The following ABTB2 variants were observed in gnomAD, a reference collection of about 807,000 sequenced individuals.
ABTB2 encodes the protein ankyrin repeat and BTB domain containing 2, also known as ankyrin repeat and BTB/POZ domain-containing protein 2.
ABTB2 carries 56 observed loss-of-function variants against 104.1 expected under a neutral mutation model. The ratio of observed to expected loss-of-function variants is 0.54; its 90% CI spans 0.43 to 0.67. ABTB2 has a LOEUF of 0.67. Ranked by LOEUF, ABTB2 falls within the 30% of genes least tolerant of loss-of-function variation. ABTB2 has a pLI of 0.00. For missense variants in ABTB2, 1,279 were observed against 1,407.7 expected, an observed-to-expected ratio of 0.91 and a Z score of 1.46; for synonymous variants, 606 against 608.2, an observed-to-expected ratio of 1.00 and a Z score of 0.05.
intron 2 of ABTB2, among the ~76,000 whole-genome samples, chr11:34,199,669 C>A (rs944090173): frequency 2.0e-5 from 3 of 152,136 alleles, no homozygotes; most frequent in African/African-American, 7.2e-5. Flanking sequence ...TCAGCTTAAG[C>A]CCCACCCCTG....
In ABTB2 at chr11:34,162,729, C is replaced by G; in HGVS notation, c.2065G>C (p.Glu689Gln). ...GACGCATCACTTTCCTCCACACCCT[C>G]GGCCAGGATCTCCTCCAGGGACAGC... is the stretch of plus-strand genomic sequence containing the variant. ...DVLSLEEILA[E>Q]GVEESDASSQ... is the part of the protein sequence containing the mutation. Residue 689 changes from glutamate (E) to glutamine (Q), a missense_variant, in exon 10 of 17, where the codon GAG becomes CAG. Transcript: ENST00000435224. 2 of 1,611,682 alleles carry G rather than the reference C, an allele frequency of 1.2e-6. No homozygotes were observed. Among genetic ancestry groups the G allele is most frequent in the Non-Finnish European group, 1.7e-6 (2 of 1,180,022 alleles).
intron 1 of ABTB2, among the ~76,000 whole-genome samples, chr11:34,274,593 A>G (rs1464821378): frequency 2.0e-5 from 3 of 151,160 alleles, no homozygotes; most frequent in Admixed American, 6.6e-5. Flanking sequence ...GTGTGTGTGT[A>G]TGTATATATT....
chr11:34,257,075 G>A (rs1484012787), intron 1 of ABTB2, among the ~76,000 whole-genome samples: 1 of 152,218 alleles, frequency 6.6e-6, no homozygotes, highest in Non-Finnish European at 1.5e-5. Context: ...AATATACAGT[G>A]CAACTTCATT....
In ABTB2 at chr11:34,152,246, C is replaced by G. The variant is rs911531980; in HGVS notation, c.*141G>C. On this transcript the variant is annotated 3_prime_UTR_variant, in exon 17 of 17. Transcript: ENST00000435224. Reference sequence around the variant, plus strand: ...GGCAGAGGAGATGAGGGTGAGCTGCCCGGTGACAGGGGGGACATCTGGGGG... The same window carrying G: ...GGCAGAGGAGATGAGGGTGAGCTGCGCGGTGACAGGGGGGACATCTGGGGG... 1.1e-6 allele frequency: 1 copy of G among 920,760 alleles called. No homozygotes were observed. The highest frequency in any genetic ancestry group is 1.7e-5 in the African/African-American group (1 of 59,854). The allele number at this position is 920,760 out of a possible 1,614,324, so 57.0% of individuals were successfully genotyped here.
intron 1 of ABTB2, among the ~76,000 whole-genome samples, chr11:34,235,936 T>C (rs371500812): frequency 4.2e-4 from 64 of 152,302 alleles, no homozygotes; most frequent in African/African-American, 1.5e-3. Flanking sequence ...GAGACAGCTG[T>C]GTGGTCTGGG....
intron 1 of ABTB2, among the ~76,000 whole-genome samples, chr11:34,296,841 G>A (rs941834330): frequency 2.0e-5 from 3 of 152,166 alleles, no homozygotes; most frequent in Admixed American, 6.5e-5. Context: ...GAAATAAATC[G>A]CCACAGTTGG....
intron 1 of ABTB2, among the ~76,000 whole-genome samples, chr11:34,305,664 G>C (rs1854763420): frequency 6.6e-6 from 1 of 152,202 alleles, no homozygotes; most frequent in African/African-American, 2.4e-5. Flanking sequence ...GAGAGGACAA[G>C]GGAGTAGAAT....
At position 34,298,541 on chromosome 11, in the gene ABTB2, C is replaced by T. The variant is rs1316161573; in HGVS notation, c.883+58160G>A. On this transcript the variant is annotated intron_variant, in intron 1 of 16. Coordinates refer to ENST00000435224, the MANE Select transcript of ABTB2 (RefSeq NM_145804.3). ...GCAGTGGCATGATCTCGGCTCACTA[C>T]AAGCTCCACCTCTTGGGTTCAAACG... Among the ~76,000 whole-genome samples, 3 of 152,014 alleles carry T rather than the reference C, an allele frequency of 2.0e-5. No homozygotes were observed. In the East Asian group the frequency reaches 5.8e-4, roughly 29 times the overall value.
At chr11:34,193,797 T>C (rs537261481) in intron 3 of ABTB2, among the ~76,000 whole-genome samples, 2 of 152,372 alleles carry the variant, frequency 1.3e-5, no homozygotes, top group East Asian at 3.9e-4. Flanking sequence ...TGTTTCTTGA[T>C]GCACCAGGCT....
At chr11:34,311,293 C>T (rs988391822) in intron 1 of ABTB2, among the ~76,000 whole-genome samples, 5 of 152,330 alleles carry the variant, frequency 3.3e-5, no homozygotes, top group African/African-American at 1.2e-4. Context: ...CCCAGAAAAG[C>T]ACATTGCAAG....
chr11:34,311,352 A>AT (rs1433738187), intron 1 of ABTB2, among the ~76,000 whole-genome samples: 1 of 152,228 alleles, frequency 6.6e-6, no homozygotes, highest in African/African-American at 2.4e-5. Flanking sequence ...ACTGAAGGTG[A>AT]TATTTAGTCC....
At chr11:34,301,592 C>T (rs1422999325) in intron 1 of ABTB2, among the ~76,000 whole-genome samples, 1 of 152,184 alleles carries the variant, frequency 6.6e-6, no homozygotes, top group Non-Finnish European at 1.5e-5. Flanking sequence ...CACATTTTAG[C>T]ATTTCCCTCT....
intron 1 of ABTB2, among the ~76,000 whole-genome samples, chr11:34,210,394 C>T (rs1252410986): frequency 2.0e-5 from 3 of 152,180 alleles, no homozygotes; most frequent in Non-Finnish European, 4.4e-5. Context: ...TTACTATTTC[C>T]TATGGTTTAA....
chr11:34,160,699 G>GA (rs1394653581), intron 11 of ABTB2, among the ~76,000 whole-genome samples: 2 of 107,316 alleles, frequency 1.9e-5, no homozygotes, highest in Non-Finnish European at 4.1e-5. Flanking sequence ...GTTGAGTGGG[G>GA]GGGGGGGCCT....
chr11:34,167,517 G>A (rs915861826), intron 6 of ABTB2, among the ~76,000 whole-genome samples, 157 bp from the exon 7 acceptor site: 1 of 152,242 alleles, frequency 6.6e-6, no homozygotes, highest in Admixed American at 6.5e-5. Context: ...GAGAGGATAG[G>A]TATTTAATTA....
At chr11:34,220,165 A>T (rs1197405464) in intron 1 of ABTB2, among the ~76,000 whole-genome samples, 3 of 152,232 alleles carry the variant, frequency 2.0e-5, no homozygotes, top group African/African-American at 7.2e-5. Context: ...TCACTATGTC[A>T]TTCCCAGCAT....
chr11:34,334,983 C>T lies in ABTB2; in HGVS notation c.883+21718G>A, dbSNP rs962548025. The T allele has an allele frequency of 1.0e-4, 52 of 522,026 alleles. 1 individual carries two copies. Among genetic ancestry groups the T allele is most frequent in the African/African-American group, 8.6e-4 (45 of 52,388 alleles). The allele number at this position is 522,026 out of a possible 1,614,324, so 32.3% of individuals were successfully genotyped here. A position where few individuals can be genotyped will look rare whatever the true frequency, so the allele number is the denominator to read the frequency against. On this transcript the variant is annotated intron_variant, in intron 1 of 16. Coordinates refer to ENST00000435224, the MANE Select transcript of ABTB2 (RefSeq NM_145804.3). ...CAATTTTAAAATCCCATATCACTTA[C>T]CAATGTTGTAAATTCATAAATGCTG... is the stretch of plus-strand genomic sequence containing the variant.
chr11:34,313,801 C>G (rs1393238910), intron 1 of ABTB2, among the ~76,000 whole-genome samples: 1 of 151,550 alleles, frequency 6.6e-6, no homozygotes, highest in African/African-American at 2.4e-5. Context: ...ATGATGAACA[C>G]ACACTCACTA....
chr11:34,286,900 C>G (rs955086603), intron 1 of ABTB2, among the ~76,000 whole-genome samples: 1 of 152,180 alleles, frequency 6.6e-6, no homozygotes, highest in Non-Finnish European at 1.5e-5. Context: ...CAAGACAGAA[C>G]TACCACCATG....
Sources: allele counts gnomAD v4.1 joint callset (sites outside exome capture counted in the v4.1 genomes callset), GRCh38; gene constraint gnomAD v4.1.1; transcripts MANE v1.5; gene names NCBI Gene and HGNC (gene_info 2026-07-23, HGNC 2026-07-21).